MEGF11: variants seen among roughly 807,000 people sequenced by gnomAD.
MEGF11 encodes multiple epidermal growth factor-like domains protein 11.
MEGF11 carries 126 observed loss-of-function variants against 146.6 expected under a neutral mutation model. The observed-to-expected ratio is 0.86, with a 90% CI of 0.74 to 1.00. The LOEUF (loss-of-function observed/expected upper bound fraction) is 1.00. MEGF11 is among the 50% of genes least tolerant of loss of function. The pLI, the probability that MEGF11 is intolerant of heterozygous loss-of-function variation, is 0.00. For synonymous variants in MEGF11, 532 were observed against 583.4 expected, an observed-to-expected ratio of 0.91 and a Z score of 1.27; for missense variants, 1,509 against 1,521.2, an observed-to-expected ratio of 0.99 and a Z score of 0.13.
intron 10 of MEGF11, among the ~76,000 whole-genome samples, chr15:65,941,691 A>G (rs957524135): frequency 1.3e-5 from 2 of 152,230 alleles, no homozygotes; most frequent in African/African-American, 2.4e-5. Context: ...AGAAGGCATT[A>G]CTGGCTAATA....
chr15:66,190,597 C>A (rs766874588), intron 1 of MEGF11, among the ~76,000 whole-genome samples: 30 of 152,090 alleles, frequency 2.0e-4, no homozygotes, highest in Non-Finnish European at 3.7e-4. Context: ...TGTAGGTGGC[C>A]AAGAGATAGC....
chr15:65,934,860 C>G (rs953163924), intron 10 of MEGF11, among the ~76,000 whole-genome samples: 6 of 152,122 alleles, frequency 3.9e-5, no homozygotes, highest in African/African-American at 1.4e-4. Context: ...AGCTCCATAC[C>G]CCTTCCCACA....
intron 1 of MEGF11, 122 bp downstream of exon 1, chr15:66,253,483 T>A (rs890950527): frequency 6.6e-6 from 1 of 151,994 alleles, no homozygotes; most frequent in Non-Finnish European, 1.5e-5. Flanking sequence ...GCGGAGCTGG[T>A]GGAAAGTTAG....
At chr15:66,206,677 G>C (rs2091307961) in intron 1 of MEGF11, among the ~76,000 whole-genome samples, 1 of 152,122 alleles carries the variant, frequency 6.6e-6, no homozygotes, top group African/African-American at 2.4e-5. Flanking sequence ...AAGGTGGGTG[G>C]ATCACGAGGT....
intron 1 of MEGF11, among the ~76,000 whole-genome samples, chr15:66,204,874 T>A (rs1023724818): frequency 6.6e-6 from 1 of 151,832 alleles, no homozygotes; most frequent in Admixed American, 6.6e-5. Flanking sequence ...GGACATTACA[T>A]GTAAAACAAA....
At chr15:65,987,714 A>G (rs191014308) in intron 5 of MEGF11, among the ~76,000 whole-genome samples, 59 of 151,742 alleles carry the variant, frequency 3.9e-4, no homozygotes, top group African/African-American at 1.3e-3. Flanking sequence ...TTTCTATTTT[A>G]TTATTTTTAT....
chr15:66,243,904 A>G (rs1458809224), intron 1 of MEGF11, among the ~76,000 whole-genome samples: 1 of 152,106 alleles, frequency 6.6e-6, no homozygotes, highest in Non-Finnish European at 1.5e-5. Flanking sequence ...CATACTATGA[A>G]GCTCCTACCT....
At chr15:65,912,901 G>A (rs1174074721) in intron 20 of MEGF11, among the ~76,000 whole-genome samples, 1 of 152,206 alleles carries the variant, frequency 6.6e-6, no homozygotes, top group Non-Finnish European at 1.5e-5. Context: ...AGATGCAGGA[G>A]GCTGCAGATG....
At chr15:66,073,146 C>T (rs78814764) in intron 5 of MEGF11, among the ~76,000 whole-genome samples, 2,677 of 152,310 alleles carry the variant, frequency 0.018, 84 homozygotes, top group African/African-American at 0.06. Flanking sequence ...CAGTGCACCC[C>T]CACCTCCGCC....
At position 65,922,806 on chromosome 15, in the gene MEGF11, CAG is replaced by C. The variant is rs1276989331; in HGVS notation, c.1822+15_1822+16del. Reference sequence around the variant, plus strand: ...ATTAGCCCTCTGAGCTCTTCGGGGTCAGGGGATTAGCCTTACTTCTCTGGCAT... The same window carrying C: ...ATTAGCCCTCTGAGCTCTTCGGGGTCGGGATTAGCCTTACTTCTCTGGCAT... On this transcript the variant is annotated intron_variant, in intron 14 of 25. Transcript: ENST00000395614. 13 of 1,613,292 alleles carry C rather than the reference CAG, an allele frequency of 8.1e-6. No homozygotes were observed. The highest frequency in any genetic ancestry group is 2.7e-5 in the African/African-American group (2 of 74,992).
intron 1 of MEGF11, among the ~76,000 whole-genome samples, chr15:66,145,901 ATTACACACGGTATCTGGAACAT>A (rs2089353467): frequency 6.6e-6 from 1 of 152,136 alleles, no homozygotes; most frequent in African/African-American, 2.4e-5. Context: ...AAATGAGATA[ATTACACACGGTATCTGGAACAT>A]TGTAAAAACT....
chr15:65,918,636 C>G (rs2079078998), intron 15 of MEGF11, among the ~76,000 whole-genome samples: 1 of 152,222 alleles, frequency 6.6e-6, no homozygotes. Flanking sequence ...ACCTGTTGCT[C>G]AAGCCTCTCA....
At chr15:66,160,945 A>G (rs2141075146) in intron 1 of MEGF11, among the ~76,000 whole-genome samples, 1 of 152,192 alleles carries the variant, frequency 6.6e-6, no homozygotes, top group African/African-American at 2.4e-5. Context: ...GGTGAGGGAG[A>G]AGCCATGCAG....
chr15:66,061,206 G>A (rs1314797402), intron 5 of MEGF11, among the ~76,000 whole-genome samples: 4 of 152,208 alleles, frequency 2.6e-5, no homozygotes, highest in South Asian at 2.1e-4. Flanking sequence ...GGTAAGTCCC[G>A]ACTCTGATCA....
chr15:66,053,480 A>T (rs559012525), intron 5 of MEGF11, among the ~76,000 whole-genome samples: 1 of 152,150 alleles, frequency 6.6e-6, no homozygotes, highest in Admixed American at 6.5e-5. Flanking sequence ...GGTTATCATT[A>T]TTATCATTAT....
intron 5 of MEGF11, among the ~76,000 whole-genome samples, chr15:66,064,620 C>T (rs1381946010): frequency 1.1e-4 from 16 of 151,996 alleles, no homozygotes; most frequent in Admixed American, 8.5e-4. Flanking sequence ...CGGATTCAAG[C>T]GATTTTCCTG....
At position 65,993,168 on chromosome 15, in the gene MEGF11, C is replaced by T. The variant is rs568359685; in HGVS notation, c.395-10680G>A. Among the ~76,000 whole-genome samples the T allele has an allele frequency of 3.9e-5, 6 of 152,304 alleles. No individual in the cohort carries two copies. The South Asian group carries it at 1.2e-3, about 32-fold the overall frequency. ...GTCCAAGTCAGCACTCATGCACCAC[C>T]CCCAACCTCTGTCCTGTGGCATTTA... is the stretch of plus-strand genomic sequence containing the variant. On this transcript the variant is annotated intron_variant, in intron 5 of 25. Transcript: ENST00000395614.
Position 66,128,293 on chromosome 15 carries a change from G to T in MEGF11, c.98+13C>A, listed in dbSNP as rs61587328. Reference sequence around the variant, plus strand: ...CCCAGAGAGTGCCTGGCCATCTGAGGCCCACACCTTACCTCTCCCAGTGGC... The same window carrying T: ...CCCAGAGAGTGCCTGGCCATCTGAGTCCCACACCTTACCTCTCCCAGTGGC... On this transcript the variant is annotated intron_variant, in intron 2 of 25. Transcript: ENST00000395614. 1.2e-3 allele frequency: 1,761 copies of T among 1,473,778 alleles called. 22 individuals are homozygous for T. In the African/African-American group the frequency reaches 0.022, roughly 19 times the overall value. The allele number at this position is 1,473,778 out of a possible 1,614,324, so 91.3% of individuals were successfully genotyped here.
Position 65,912,217 on chromosome 15 carries a change from G to A in MEGF11, c.2711-17C>T. 8.2e-7 allele frequency: 1 copy of A among 1,221,244 alleles called. No individual in the cohort carries two copies. The highest frequency in any genetic ancestry group is 4.2e-5 in the South Asian group (1 of 24,058). The allele number at this position is 1,221,244 out of a possible 1,614,324, so 75.7% of individuals were successfully genotyped here. A position where few individuals can be genotyped will look rare whatever the true frequency, so the allele number is the denominator to read the frequency against. ...GAGACAAATCTGGGAAGAGAACAAG[G>A]TGCCACATACCATCATACCCCTGCC... On this transcript the variant is annotated splice_polypyrimidine_tract_variant and intron_variant, in intron 20 of 25. Transcript: ENST00000395614.
Sources: allele counts gnomAD v4.1 joint callset (sites outside exome capture counted in the v4.1 genomes callset), GRCh38; gene constraint gnomAD v4.1.1; transcripts MANE v1.5; gene names NCBI Gene and HGNC (gene_info 2026-07-23, HGNC 2026-07-21).